Variants in PRLR observed in about 807,000 individuals in gnomAD.
PRLR encodes the protein hPRL receptor.
A neutral mutation model predicts 40.2 loss-of-function variants in PRLR; 13 were observed. The ratio of observed to expected loss-of-function variants is 0.32; its 90% CI spans 0.21 to 0.51. PRLR has a LOEUF of 0.51. Among genes scored for constraint, PRLR ranks in the 20% least tolerant of loss-of-function variants. PRLR has a pLI of 0.97. For missense variants in PRLR, 656 were observed against 747.3 expected, an observed-to-expected ratio of 0.88 and a Z score of 1.42; for synonymous variants, 269 against 278.7, an observed-to-expected ratio of 0.97 and a Z score of 0.35.
chr5:35,071,956 C>T (rs568569676), intron 6 of PRLR, among the ~76,000 whole-genome samples: 5 of 150,244 alleles, frequency 3.3e-5, no homozygotes, highest in African/African-American at 1.2e-4. Context: ...AGTGCAATGG[C>T]GCGATTTCAG....
At chr5:35,072,889 G>T (rs1299549962) in intron 5 of PRLR, 145 bp from the exon 6 acceptor site, 3 of 849,726 alleles carry the variant, frequency 3.5e-6, no homozygotes, top group African/African-American at 1.7e-5. Flanking sequence ...CGGGCCTTTT[G>T]TCTTCTACCT....
intron 1 of PRLR, among the ~76,000 whole-genome samples, chr5:35,125,016 G>A (rs1773411026): frequency 6.6e-6 from 1 of 152,194 alleles, no homozygotes; most frequent in African/African-American, 2.4e-5. Context: ...CTGGTTATTA[G>A]CAGATCTATA....
chr5:35,093,560 C>T (rs1771353052), intron 2 of PRLR, among the ~76,000 whole-genome samples: 1 of 152,172 alleles, frequency 6.6e-6, no homozygotes, highest in Non-Finnish European at 1.5e-5. Flanking sequence ...AGAAATGGAC[C>T]TACCATTAGG....
chr5:35,093,486 C>T (rs891180915), intron 2 of PRLR, among the ~76,000 whole-genome samples: 1 of 152,216 alleles, frequency 6.6e-6, no homozygotes, highest in Non-Finnish European at 1.5e-5. Flanking sequence ...AGTCCCCAAC[C>T]TGTCCTGCTG....
At chr5:35,176,784 G>A (rs1291665363) in intron 1 of PRLR, among the ~76,000 whole-genome samples, 10 of 151,556 alleles carry the variant, frequency 6.6e-5, no homozygotes, top group African/African-American at 2.2e-4. Flanking sequence ...AGACCTGACC[G>A]TCCCCCAGCC....
chr5:35,128,958 C>G (rs1179399717), intron 1 of PRLR, among the ~76,000 whole-genome samples: 1 of 152,180 alleles, frequency 6.6e-6, no homozygotes, highest in East Asian at 1.9e-4. Context: ...TTCCTTTCAA[C>G]CCTTACTGCT....
intron 2 of PRLR, among the ~76,000 whole-genome samples, chr5:35,109,107 G>C (rs1442786338): frequency 6.6e-6 from 1 of 152,130 alleles, no homozygotes; most frequent in East Asian, 1.9e-4. Context: ...ACAAAAACAA[G>C]AAATGGGGAA....
At chr5:35,166,720 G>T (rs1774844350) in intron 1 of PRLR, among the ~76,000 whole-genome samples, 2 of 152,108 alleles carry the variant, frequency 1.3e-5, no homozygotes, top group South Asian at 4.1e-4. Context: ...CTCAAAGGAA[G>T]CTTACAATGA....
chr5:35,114,768 G>A (rs145344150), intron 2 of PRLR, among the ~76,000 whole-genome samples: 216 of 152,224 alleles, frequency 1.4e-3, no homozygotes, highest in African/African-American at 4.9e-3. Flanking sequence ...GAACTCAGAG[G>A]CCATCCAATG....
chr5:35,163,246 C>T (rs773724924), intron 1 of PRLR, among the ~76,000 whole-genome samples: 3 of 152,246 alleles, frequency 2.0e-5, no homozygotes, highest in Admixed American at 6.5e-5. Context: ...CCCTCGAAAT[C>T]GTCTGTGAGC....
chr5:35,071,876 A>G (rs1044965147), intron 6 of PRLR, among the ~76,000 whole-genome samples: 7 of 145,176 alleles, frequency 4.8e-5, no homozygotes, highest in African/African-American at 1.5e-4. Context: ...CTGGGATTAC[A>G]AGTGTGAGCC....
chr5:35,160,271 AC>A (rs1774637561), intron 1 of PRLR, among the ~76,000 whole-genome samples: 1 of 3,828 alleles, frequency 2.6e-4, no homozygotes, highest in Admixed American at 0.016. Flanking sequence ...CCACTGGAAC[AC>A]AGTCATGCCT....
At chr5:35,209,552 T>C (rs4703396) in intron 1 of PRLR, among the ~76,000 whole-genome samples, 4,402 of 152,304 alleles carry the variant, frequency 0.029, 85 homozygotes, top group Middle Eastern at 0.071. Flanking sequence ...AAAGAATTCA[T>C]GGAGATGAAA....
intron 1 of PRLR, among the ~76,000 whole-genome samples, chr5:35,223,371 C>T (rs946973776): frequency 6.6e-6 from 1 of 152,188 alleles, no homozygotes; most frequent in East Asian, 1.9e-4. Flanking sequence ...GACCAGTCCC[C>T]AGTCTTAAAC....
intron 1 of PRLR, among the ~76,000 whole-genome samples, chr5:35,127,276 T>G (rs930068): frequency 0.051 from 7,691 of 152,258 alleles, 236 homozygotes; most frequent in African/African-American, 0.078. Context: ...TCCATGTGCA[T>G]GCCATTAAGA....
At chr5:35,209,214 A>C (rs1776104056) in intron 1 of PRLR, among the ~76,000 whole-genome samples, 1 of 152,122 alleles carries the variant, frequency 6.6e-6, no homozygotes, top group Admixed American at 6.5e-5. Flanking sequence ...AATGCCAAAA[A>C]AATTATAAAA....
intron 1 of PRLR, among the ~76,000 whole-genome samples, chr5:35,183,295 C>T (rs1170171417): frequency 6.6e-6 from 1 of 152,216 alleles, no homozygotes; most frequent in Non-Finnish European, 1.5e-5. Flanking sequence ...CAGACAGTCA[C>T]CACGTTCCTC....
intron 5 of PRLR, among the ~76,000 whole-genome samples, chr5:35,080,237 T>C (rs1039814827): frequency 6.6e-6 from 1 of 152,072 alleles, no homozygotes; most frequent in African/African-American, 2.4e-5. Flanking sequence ...TAAACTACCA[T>C]CAGAGTGAAC....
intron 1 of PRLR, among the ~76,000 whole-genome samples, chr5:35,178,352 G>T (rs574801284): frequency 8.0e-4 from 122 of 152,258 alleles, no homozygotes; most frequent in African/African-American, 2.7e-3. Context: ...CTGAGTATCG[G>T]CAGTTTGCTC....
Sources: allele counts gnomAD v4.1 joint callset (sites outside exome capture counted in the v4.1 genomes callset), GRCh38; gene constraint gnomAD v4.1.1; transcripts MANE v1.5; gene names NCBI Gene and HGNC (gene_info 2026-07-23, HGNC 2026-07-21).